Variants in GPR141 observed in about 807,000 individuals in gnomAD.
GPR141 encodes the protein probable G protein-coupled receptor 141.
Under a neutral mutation model 6.8 loss-of-function variants are expected in GPR141, and 6 were observed. The ratio of observed to expected loss-of-function variants is 0.88; its 90% CI spans 0.48 to 1.74. The LOEUF (loss-of-function observed/expected upper bound fraction) is 1.74. GPR141 is among the 40% of genes most tolerant of loss of function. The pLI is 0.01. For missense variants in GPR141, 372 were observed against 372.9 expected (o/e 1.00, Z 0.02); for synonymous variants, 140 against 142.3 (o/e 0.98, Z 0.11).
At chr7:37,703,672 T>C (rs1395475006) in intron 2 of GPR141, among the ~76,000 whole-genome samples, 1 of 152,180 alleles carries the variant, frequency 6.6e-6, no homozygotes, top group Non-Finnish European at 1.5e-5. Flanking sequence ...GTTCCCTCAG[T>C]TCTAAAATGG....
Position 37,689,721 on chromosome 7 carries a change from A to T in GPR141, c.-15+4138A>T, listed in dbSNP as rs532492373. Among the ~76,000 whole-genome samples, 54 of 151,260 alleles carry T rather than the reference A, an allele frequency of 3.6e-4. 1 individual carries two copies. The highest frequency in any genetic ancestry group is 1.2e-3 in the East Asian group (6 of 5,158). On this transcript the variant is annotated intron_variant, in intron 2 of 2. Coordinates refer to ENST00000334425, the MANE Select transcript of GPR141 (RefSeq NM_001381946.1). ...TAGTCTTCAGTGATCCTTTTTTTTT[A>T]AAATTTCTGTGCTATTAATTGTACA...
intron 2 of GPR141, among the ~76,000 whole-genome samples, chr7:37,734,670 G>A (rs1812146202): frequency 6.6e-6 from 1 of 152,212 alleles, no homozygotes; most frequent in South Asian, 2.1e-4. Flanking sequence ...CTCATGTAGT[G>A]TAGGAGTTCT....
rs79334355 is a variant in GPR141 at position 37,743,146 on chromosome 7, A to G, written c.*1835A>G. 6.5e-3 allele frequency among the ~76,000 whole-genome samples: 986 copies of G among 152,252 alleles called. 18 individuals are homozygous for G. The highest frequency in any genetic ancestry group is 0.048 in the East Asian group (248 of 5,188). On this transcript the variant is annotated 3_prime_UTR_variant, in exon 3 of 3. Coordinates refer to ENST00000334425, the MANE Select transcript of GPR141 (RefSeq NM_001381946.1). Reference sequence around the variant, plus strand: ...AAACCTGAAGTGATTAGTAACATGAATAGAATAACAGAATGAATTAAGGGA... The same window carrying G: ...AAACCTGAAGTGATTAGTAACATGAGTAGAATAACAGAATGAATTAAGGGA...
intron 2 of GPR141, among the ~76,000 whole-genome samples, chr7:37,722,970 CCTTCCTTCCTT>C (rs1423234530): frequency 2.8e-4 from 41 of 144,876 alleles, no homozygotes; most frequent in African/African-American, 1.0e-3. Context: ...TTCCTTCCTT[CCTTCCTTCCTT>C]CTTTCTTTCT....
chr7:37,722,274 G>A (rs1011355752), intron 2 of GPR141, among the ~76,000 whole-genome samples: 1 of 152,168 alleles, frequency 6.6e-6, no homozygotes, highest in East Asian at 1.9e-4. Flanking sequence ...CACTTGATGA[G>A]ATGTTATACG....
intron 2 of GPR141, among the ~76,000 whole-genome samples, chr7:37,715,359 G>A (rs957115644): frequency 6.6e-6 from 1 of 152,126 alleles, no homozygotes; most frequent in African/African-American, 2.4e-5. Flanking sequence ...GGAACTCCTG[G>A]CCTTGGGCAA....
At chr7:37,710,023 C>T (rs752986303) in intron 2 of GPR141, among the ~76,000 whole-genome samples, 1 of 152,142 alleles carries the variant, frequency 6.6e-6, no homozygotes, top group Non-Finnish European at 1.5e-5. Flanking sequence ...GCTCTCTCTG[C>T]AAAGAGTAAA....
intron 2 of GPR141, among the ~76,000 whole-genome samples, chr7:37,730,857 A>AT (rs969247547): frequency 5.3e-5 from 8 of 152,210 alleles, no homozygotes; most frequent in African/African-American, 1.9e-4. Context: ...TATGTGCTCA[A>AT]TTTTTTAGCA....
At chr7:37,711,640 T>A (rs1810800469) in intron 2 of GPR141, among the ~76,000 whole-genome samples, 1 of 152,208 alleles carries the variant, frequency 6.6e-6, no homozygotes, top group African/African-American at 2.4e-5. Context: ...AAGCCACTGA[T>A]CTCAATGTAA....
intron 2 of GPR141, among the ~76,000 whole-genome samples, chr7:37,701,684 A>G (rs1810282901): frequency 6.6e-6 from 1 of 152,184 alleles, no homozygotes; most frequent in African/African-American, 2.4e-5. Flanking sequence ...CTGAGTTTTC[A>G]TGTGGAGAGT....
At chr7:37,707,974 C>A (rs1583540878) in intron 2 of GPR141, among the ~76,000 whole-genome samples, 1 of 152,026 alleles carries the variant, frequency 6.6e-6, no homozygotes, top group Non-Finnish European at 1.5e-5. Context: ...GACTGCCTCT[C>A]AAAACAGAGT....
chr7:37,707,984 T>G (rs1240551707), intron 2 of GPR141, among the ~76,000 whole-genome samples: 2 of 151,774 alleles, frequency 1.3e-5, no homozygotes, highest in Non-Finnish European at 2.9e-5. Context: ...CAAAACAGAG[T>G]GTGAATATTT....
intron 2 of GPR141, among the ~76,000 whole-genome samples, chr7:37,724,410 G>T (rs1202845261): frequency 6.6e-6 from 1 of 152,152 alleles, no homozygotes; most frequent in Non-Finnish European, 1.5e-5. Context: ...TATGAACAAA[G>T]CAGGGGGCAA....
At chr7:37,691,881 G>T (rs541785160) in intron 2 of GPR141, among the ~76,000 whole-genome samples, 1 of 152,216 alleles carries the variant, frequency 6.6e-6, no homozygotes, top group African/African-American at 2.4e-5. Context: ...TAAGAAATGT[G>T]TTGTTAATCT....
chr7:37,721,315 G>T (rs937697031), intron 2 of GPR141, among the ~76,000 whole-genome samples: 2 of 152,166 alleles, frequency 1.3e-5, no homozygotes, highest in Non-Finnish European at 2.9e-5. Context: ...TATCATATAA[G>T]AAATTTCCAT....
At chr7:37,729,315 A>G (rs1811797908) in intron 2 of GPR141, among the ~76,000 whole-genome samples, 1 of 152,210 alleles carries the variant, frequency 6.6e-6, no homozygotes, top group African/African-American at 2.4e-5. Flanking sequence ...GGGGATCCTC[A>G]TGTGGAACAA....
At position 37,741,041 on chromosome 7, in the gene GPR141, A is replaced by T; in HGVS notation, c.648A>T (p.Leu216=). 6.2e-7 allele frequency: 1 copy of T among 1,614,122 alleles called. No individual in the cohort carries two copies. The highest frequency in any genetic ancestry group is 8.5e-7 in the Non-Finnish European group (1 of 1,179,992). ...LMVQKLRHSL[L]SHQEFWAQLK... ...TGCAGAAGCTACGCCACTCTTTACT[A>T]TCCCACCAGGAGTTCTGGGCTCAGC... The change falls in exon 3 of 3, where the codon CTA becomes CTT. Residue 216 remains leucine (L), a synonymous_variant. Transcript: ENST00000334425.
chr7:37,707,403 T>G (rs1262391105), intron 2 of GPR141, among the ~76,000 whole-genome samples: 1 of 152,190 alleles, frequency 6.6e-6, no homozygotes, highest in Non-Finnish European at 1.5e-5. Context: ...GATTGTAACA[T>G]TTTTATGACT....
intron 2 of GPR141, among the ~76,000 whole-genome samples, chr7:37,706,985 G>T (rs2392511): frequency 0.48 from 72,042 of 151,276 alleles, 17,349 homozygotes; most frequent in South Asian, 0.61. Flanking sequence ...TCTCTTCCAC[G>T]CCCACTGCCT....
Sources: gnomAD v4.1 joint callset for allele counts (sites outside exome capture counted in the v4.1 genomes callset) on GRCh38, gnomAD v4.1.1 for gene constraint, MANE v1.5 for transcripts, NCBI Gene and HGNC (gene_info 2026-07-23, HGNC 2026-07-21) for gene names.